GABRB3: variants seen among roughly 807,000 people sequenced by gnomAD.
The protein encoded by GABRB3 is gamma-aminobutyric acid type A receptor subunit beta3.
In GABRB3, 14 loss-of-function variants were observed where a neutral mutation model predicts 52.1. The ratio of observed to expected loss-of-function variants is 0.27; its 90% CI spans 0.18 to 0.42. The LOEUF (loss-of-function observed/expected upper bound fraction) is 0.42. Among genes scored for constraint, GABRB3 ranks in the 10% least tolerant of loss-of-function variants. GABRB3 has a pLI of 1.00. For missense variants in GABRB3, 307 were observed against 609.1 expected, an observed-to-expected ratio of 0.50 and a Z score of 5.22; for synonymous variants, 260 against 232.3, an observed-to-expected ratio of 1.12 and a Z score of -1.08.
chr15:26,655,275 T>C (rs1487810559), intron 3 of GABRB3, among the ~76,000 whole-genome samples: 4 of 152,208 alleles, frequency 2.6e-5, no homozygotes, highest in Non-Finnish European at 5.9e-5. Context: ...CACTTTATTA[T>C]GTGAAAATCT....
At chr15:26,584,157 G>A (rs1421779870) in intron 4 of GABRB3, among the ~76,000 whole-genome samples, 1 of 152,152 alleles carries the variant, frequency 6.6e-6, no homozygotes, top group African/African-American at 2.4e-5. Context: ...ACAGCACTTT[G>A]TTATTAGCTA....
chr15:26,688,863 TG>T, intron 3 of GABRB3, among the ~76,000 whole-genome samples: 2 of 152,234 alleles, frequency 1.3e-5, no homozygotes, highest in Non-Finnish European at 2.9e-5. Context: ...GTGGCTAAGC[TG>T]TTGACAGGAC....
chr15:26,676,855 T>C (rs1888084039), intron 3 of GABRB3, among the ~76,000 whole-genome samples: 2 of 152,228 alleles, frequency 1.3e-5, no homozygotes, highest in Non-Finnish European at 2.9e-5. Flanking sequence ...AGATATTATA[T>C]ATATTTTTTC....
At chr15:26,577,026 G>C (rs146113620) in intron 6 of GABRB3, among the ~76,000 whole-genome samples, 91 of 152,308 alleles carry the variant, frequency 6.0e-4, no homozygotes, top group African/African-American at 2.1e-3. Flanking sequence ...TGAAGCTTGA[G>C]AAGAAAATGA....
chr15:26,571,355 G>A lies in GABRB3; in HGVS notation c.683-3622C>T, dbSNP rs374265013. The stretch of plus-strand genomic sequence containing the variant: ...AGCTCCCTCTGTCTGCAACACTGTT[G>A]GCCTCTGGTAGAAGAGCTATACATA... On this transcript the variant is annotated intron_variant, in intron 6 of 8. Coordinates refer to ENST00000311550, the MANE Select transcript of GABRB3 (RefSeq NM_000814.6). Among the ~76,000 whole-genome samples, 24 of 152,204 alleles carry A rather than the reference G, an allele frequency of 1.6e-4. No individual in the cohort carries two copies. In the East Asian group the frequency reaches 4.4e-3, roughly 28 times the overall value.
rs10444896 is a variant in GABRB3, at chr15:26,554,051, T to A, written c.1081-5917A>T. On this transcript the variant is annotated intron_variant, in intron 8 of 8. Coordinates refer to ENST00000311550, the MANE Select transcript of GABRB3 (RefSeq NM_000814.6). ...TATATATATATTTATTTATTTATAT[T>A]TATTTATATATAAAGTGTGTATATA... 4.3e-3 allele frequency among the ~76,000 whole-genome samples: 187 copies of A among 43,526 alleles called. 4 individuals are homozygous for A. The highest frequency in any genetic ancestry group is 6.2e-3 in the Non-Finnish European group (123 of 19,998). 28.6% of individuals were successfully genotyped at this position (43,526 alleles called of 152,430 possible).
rs79471574 is a variant in GABRB3 at position 26,609,103 on chromosome 15, TAC to T, written c.461+12209_461+12210del. 4.4e-3 allele frequency among the ~76,000 whole-genome samples: 624 copies of T among 143,336 alleles called. 2 individuals are homozygous for T. Among genetic ancestry groups the T allele is most frequent in the Middle Eastern group, 0.014 (4 of 284 alleles). The allele number at this position is 143,336 out of a possible 152,430, so 94.0% of individuals were successfully genotyped here. ...AATGATACACACACACACACACACA[TAC>T]ACACACACACACACACACACACACA... On this transcript the variant is annotated intron_variant, in intron 4 of 8. Transcript: ENST00000311550.
At chr15:26,700,907 T>A (rs1002399800) in intron 3 of GABRB3, among the ~76,000 whole-genome samples, 1 of 151,956 alleles carries the variant, frequency 6.6e-6, no homozygotes, top group Non-Finnish European at 1.5e-5. Flanking sequence ...TACAAAAAAT[T>A]AGCCAGGCGT....
At chr15:26,747,193 G>A (rs1469634923) in intron 3 of GABRB3, among the ~76,000 whole-genome samples, 2 of 152,140 alleles carry the variant, frequency 1.3e-5, no homozygotes, top group East Asian at 1.9e-4. Flanking sequence ...CCTGTCTTCA[G>A]ACTTCAGTAT....
intron 3 of GABRB3, among the ~76,000 whole-genome samples, chr15:26,752,786 C>T (rs1288750633): frequency 3.3e-5 from 5 of 152,080 alleles, no homozygotes; most frequent in Non-Finnish European, 7.4e-5. Flanking sequence ...TTATTAACTA[C>T]AGTTGGCACG....
chr15:26,663,238 C>A (rs1211304498), intron 3 of GABRB3, among the ~76,000 whole-genome samples: 1 of 152,192 alleles, frequency 6.6e-6, no homozygotes, highest in Non-Finnish European at 1.5e-5. Flanking sequence ...CTGGCAATGA[C>A]TGACGTATTC....
At chr15:26,736,609 C>A (rs1890071714) in intron 3 of GABRB3, among the ~76,000 whole-genome samples, 1 of 152,232 alleles carries the variant, frequency 6.6e-6, no homozygotes, top group African/African-American at 2.4e-5. Flanking sequence ...AGGGAGGAGG[C>A]CCAGCTCCCG....
At chr15:26,755,191 G>C (rs1890627601) in intron 3 of GABRB3, among the ~76,000 whole-genome samples, 1 of 151,850 alleles carries the variant, frequency 6.6e-6, no homozygotes. Context: ...ATTTTTAGTA[G>C]AGATGGGGTT....
intron 4 of GABRB3, among the ~76,000 whole-genome samples, chr15:26,616,956 T>TA (rs200060357): frequency 0.18 from 26,233 of 148,294 alleles, 2,312 homozygotes; most frequent in African/African-American, 0.25. Flanking sequence ...CTACTTCTGT[T>TA]AAAAAAAAAA....
intron 4 of GABRB3, among the ~76,000 whole-genome samples, chr15:26,616,349 T>A (rs1892256493): frequency 6.6e-6 from 1 of 152,222 alleles, no homozygotes; most frequent in Non-Finnish European, 1.5e-5. Context: ...ATTTGCTCTT[T>A]TGTCCAGTAG....
chr15:26,659,545 T>C (rs955013747), intron 3 of GABRB3, among the ~76,000 whole-genome samples: 3 of 151,684 alleles, frequency 2.0e-5, no homozygotes, highest in African/African-American at 4.8e-5. Context: ...AATAAGTAAA[T>C]AAATAAATAA....
chr15:26,710,564 T>C (rs980739939), intron 3 of GABRB3, among the ~76,000 whole-genome samples: 1 of 152,210 alleles, frequency 6.6e-6, no homozygotes, highest in African/African-American at 2.4e-5. Context: ...CTTGGGCAGA[T>C]ACTTAAGAAG....
intron 3 of GABRB3, among the ~76,000 whole-genome samples, chr15:26,712,529 G>A (rs1053927064): frequency 3.3e-5 from 5 of 152,060 alleles, no homozygotes; most frequent in African/African-American, 1.2e-4. Context: ...ATTCTCTGAC[G>A]AACAAGGACT....
At chr15:26,629,397 C>T (rs1892845445) in intron 3 of GABRB3, among the ~76,000 whole-genome samples, 1 of 152,162 alleles carries the variant, frequency 6.6e-6, no homozygotes, top group Non-Finnish European at 1.5e-5. Context: ...GGAGGGTGGG[C>T]CTGATTAGAT....
Sources: gnomAD v4.1 joint callset for allele counts (sites outside exome capture counted in the v4.1 genomes callset) on GRCh38, gnomAD v4.1.1 for gene constraint, MANE v1.5 for transcripts, NCBI Gene and HGNC (gene_info 2026-07-23, HGNC 2026-07-21) for gene names.